Variants in RLIM observed in about 807,000 individuals in gnomAD.
RLIM encodes ring finger protein, LIM domain interacting.
A neutral mutation model predicts 34.0 loss-of-function variants in RLIM; 2 were observed. The ratio of observed to expected loss-of-function variants is 0.06; its 90% CI spans 0.02 to 0.19. The LOEUF (loss-of-function observed/expected upper bound fraction) is 0.19. RLIM is among the 10% of genes least tolerant of loss of function. RLIM has a pLI of 1.00. For missense variants in RLIM, 286 were observed against 479.7 expected (o/e 0.60, Z 3.77); for synonymous variants, 169 against 164.0 (o/e 1.03, Z -0.23).
intron 1 of RLIM, among the ~76,000 whole-genome samples, chrX:74,604,869 CAAT>C (rs1287758897): frequency 1.8e-5 from 2 of 111,194 alleles, no homozygotes; most frequent in Non-Finnish European, 3.8e-5. Flanking sequence ...ACTACCTCTT[CAAT>C]AATAATAATA....
chrX:74,592,935 C>T lies in RLIM; in HGVS notation c.380G>A (p.Arg127Gln), dbSNP rs371705867. Residue 127 changes from arginine to glutamine, a missense_variant, in exon 4 of 4, where the codon CGG (arginine) becomes CAG (glutamine). Physicochemically the swap from Arg to Gln is conservative, Grantham distance 43 (BLOSUM62 1). Around this residue, in one of 6 missense-constraint regions of RLIM, gnomAD observed 8 missense variants for 34.0 expected, o/e 0.24. Coordinates refer to ENST00000332687, the MANE Select transcript of RLIM (RefSeq NM_016120.4). Reference sequence around the variant, plus strand: ...GAAATCACCACTGTTTGGATTAGTCCGACTCACTGCTCTCCAAGATTGGTT... The same window carrying T: ...GAAATCACCACTGTTTGGATTAGTCTGACTCACTGCTCTCCAAGATTGGTT... ...RGNQSWRAVS[R>Q]TNPNSGDFRF... 1.8e-5 allele frequency: 22 copies of T among 1,209,708 alleles called. No individual in the cohort carries two copies. The highest frequency in any genetic ancestry group is 8.8e-5 in the African/African-American group (5 of 57,120).
chrX:74,594,269 A>G, intron 3 of RLIM, 37 bp downstream of exon 3: 3 of 1,005,250 alleles, frequency 3.0e-6, no homozygotes, highest in Non-Finnish European at 4.1e-6. Context: ...CTATCATCCC[A>G]TCGTCTATCC....
intron 1 of RLIM, among the ~76,000 whole-genome samples, chrX:74,607,940 C>T (rs2079689621): frequency 8.9e-6 from 1 of 112,453 alleles, no homozygotes; most frequent in Non-Finnish European, 1.9e-5. Context: ...CATATCATTA[C>T]GTATGTAGGC....
chrX:74,598,705 G>C (rs1199549148), intron 1 of RLIM, among the ~76,000 whole-genome samples: 1 of 107,209 alleles, frequency 9.3e-6, no homozygotes, highest in Admixed American at 1.0e-4. Flanking sequence ...CATGAACCTG[G>C]GAGGCGGAGC....
chrX:74,591,420 G>C lies in RLIM; in HGVS notation c.*20C>G. ...TGCCCATCACTATATCAGCTACATA[G>C]CTGAGAGTTCAGATCTTAATTACAC... On this transcript the variant is annotated 3_prime_UTR_variant, in exon 4 of 4. Transcript: ENST00000332687. 7 of 1,186,841 alleles carry C rather than the reference G, an allele frequency of 5.9e-6. No homozygotes were observed. Among genetic ancestry groups the C allele is most frequent in the Non-Finnish European group, 8.0e-6 (7 of 875,208 alleles).
intron 1 of RLIM, among the ~76,000 whole-genome samples, chrX:74,607,099 G>A (rs955087808): frequency 9.8e-5 from 10 of 101,596 alleles, no homozygotes; most frequent in South Asian, 4.6e-4. Flanking sequence ...CTCAGATCAC[G>A]TCACAGCAGT....
intron 1 of RLIM, among the ~76,000 whole-genome samples, chrX:74,598,592 C>CA (rs1297574964): frequency 9.1e-6 from 1 of 110,448 alleles, no homozygotes; most frequent in Non-Finnish European, 1.9e-5. Context: ...TCCTGGCTAA[C>CA]ACAGTGAAAC....
At chrX:74,609,442 C>G (rs1369645368) in intron 1 of RLIM, among the ~76,000 whole-genome samples, 1 of 91,883 alleles carries the variant, frequency 1.1e-5, no homozygotes, top group African/African-American at 4.2e-5. Flanking sequence ...GAGCCGAGAT[C>G]GCGCCACTGC....
intron 2 of RLIM, among the ~76,000 whole-genome samples, chrX:74,594,665 G>A (rs1188776256): frequency 9.0e-6 from 1 of 110,889 alleles, no homozygotes; most frequent in Non-Finnish European, 1.9e-5. Context: ...TTGGGAGGCC[G>A]AGGCGGGTGG....
At position 74,591,482 on chromosome X, in the gene RLIM, G is replaced by T. The variant is rs369472381; in HGVS notation, c.1833C>A (p.Arg611=). ...LSENSTCPIC[R]RAVLASGNRE... ...TGTTACCAGAAGCTAAGACTGCTCT[G>T]CGACAAATAGGACAGGTAGAATTCT... Residue 611 remains arginine (R), a synonymous_variant, in exon 4 of 4, where the codon CGC becomes CGA. Coordinates refer to ENST00000332687, the MANE Select transcript of RLIM (RefSeq NM_016120.4). The T allele has an allele frequency of 1.1e-5, 13 of 1,210,618 alleles. No homozygotes were observed. The highest frequency in any genetic ancestry group is 1.3e-5 in the Non-Finnish European group (12 of 894,270).
At position 74,589,015 on chromosome X, in the gene RLIM, T is replaced by A. The variant is rs1174659024; in HGVS notation, c.*2425A>T. 1 of 112,298 alleles carries A rather than the reference T, an allele frequency of 8.9e-6. No homozygotes were observed. The highest frequency in any genetic ancestry group is 1.9e-5 in the Non-Finnish European group (1 of 53,298). The allele number at this position is 112,298 out of a possible 1,213,427, so 9.3% of individuals were successfully genotyped here. On this transcript the variant is annotated 3_prime_UTR_variant, in exon 4 of 4. Transcript: ENST00000332687. Reference sequence around the variant, plus strand: ...GGTGTTCACATGCACATGTCCAATATGTGCATTCCACTGAAGGCTAAAAGC... The same window carrying A: ...GGTGTTCACATGCACATGTCCAATAAGTGCATTCCACTGAAGGCTAAAAGC...
In RLIM at chrX:74,592,381, A is replaced by T; in HGVS notation, c.934T>A (p.Ser312Thr). ...ACTATGGTTGGAGGTCTCTGTCCTG[A>T]TCCTGTAGATTCACCACTGGCAGCT... ...DTAASGESTGSGQRPPTIVLD... is the reference protein window; with the variant it reads ...DTAASGESTGTGQRPPTIVLD... Residue 312 changes from serine to threonine, a missense_variant, in exon 4 of 4, where the codon TCA becomes ACA. Physicochemically the swap from Ser to Thr is moderately conservative, Grantham distance 58. Around this residue, in one of 6 missense-constraint regions of RLIM, gnomAD observed 121 missense variants for 182.4 expected, o/e 0.66. Transcript: ENST00000332687. 2 of 1,211,407 alleles carry T rather than the reference A, an allele frequency of 1.7e-6. No individual in the cohort carries two copies. The highest frequency in any genetic ancestry group is 2.2e-6 in the Non-Finnish European group (2 of 895,484).
chrX:74,605,166 G>A (rs1276642352), intron 1 of RLIM, among the ~76,000 whole-genome samples: 1 of 111,714 alleles, frequency 9.0e-6, no homozygotes, highest in East Asian at 2.8e-4. Context: ...TGGAAATCAA[G>A]GCAATGCTCT....
chrX:74,610,296 A>C (rs1294228649), intron 1 of RLIM, among the ~76,000 whole-genome samples: 1 of 111,015 alleles, frequency 9.0e-6, no homozygotes, highest in African/African-American at 3.3e-5. Flanking sequence ...ACGTGCCTGT[A>C]ATCCCAGCTA....
intron 1 of RLIM, among the ~76,000 whole-genome samples, chrX:74,606,169 T>C (rs1602168736): frequency 8.9e-6 from 1 of 112,549 alleles, no homozygotes; most frequent in East Asian, 2.8e-4. Context: ...TTTAAATAAG[T>C]CAACTTTTAG....
chrX:74,597,561 T>C (rs1238601651), intron 1 of RLIM, among the ~76,000 whole-genome samples: 5 of 111,895 alleles, frequency 4.5e-5, no homozygotes, highest in African/African-American at 1.3e-4. Flanking sequence ...CAGAATCTCA[T>C]AATAAGATAT....
chrX:74,606,878 G>T (rs935889831), intron 1 of RLIM, among the ~76,000 whole-genome samples: 11 of 111,805 alleles, frequency 9.8e-5, no homozygotes, highest in African/African-American at 3.6e-4. Flanking sequence ...GCCGACATCT[G>T]TAATCCTAGC....
rs1931305805 is a variant in RLIM at position 74,584,748 on chromosome X, T to C, written c.*6692A>G. ...TGTACCACCACACCTGGCTAATTTA[T>C]GTCTGGATCCTTTTCACTGACCTAA... On this transcript the variant is annotated 3_prime_UTR_variant, in exon 4 of 4. Transcript: ENST00000332687. Among the ~76,000 whole-genome samples, 1 of 111,817 alleles carries C rather than the reference T, an allele frequency of 8.9e-6. No homozygotes were observed. Among genetic ancestry groups the C allele is most frequent in the Non-Finnish European group, 1.9e-5 (1 of 53,223 alleles).
At chrX:74,611,742 AC>A (rs777919352) in intron 1 of RLIM, among the ~76,000 whole-genome samples, 3 of 112,425 alleles carry the variant, frequency 2.7e-5, no homozygotes, top group African/African-American at 9.7e-5. Context: ...CAGAAGTATA[AC>A]GTCAGACAGG....
Sources: gnomAD v4.1 joint callset for allele counts (sites outside exome capture counted in the v4.1 genomes callset) on GRCh38, gnomAD v4.1.1 for gene constraint, gnomAD v4.1.1 regional missense constraint, MANE v1.5 for transcripts, NCBI Gene and HGNC (gene_info 2026-07-23, HGNC 2026-07-21) for gene names.